The following LMLN variants were observed in gnomAD, a reference collection of about 807,000 sequenced individuals.
LMLN encodes the protein leishmanolysin-like peptidase.
In LMLN, 70 loss-of-function variants were observed where a neutral mutation model predicts 92.3. The ratio of observed to expected loss-of-function variants is 0.76; its 90% CI spans 0.63 to 0.92. The LOEUF (loss-of-function observed/expected upper bound fraction) is 0.92, where lower values mean the gene tolerates loss of function less well. LMLN is among the 40% of genes least tolerant of loss of function. The pLI, the probability that LMLN is intolerant of heterozygous loss-of-function variation, is 0.00. For missense variants in LMLN, 691 were observed against 814.6 expected, an observed-to-expected ratio of 0.85 and a Z score of 1.85; for synonymous variants, 308 against 296.2, an observed-to-expected ratio of 1.04 and a Z score of -0.41.
At chr3:198,020,440 T>C (rs1293672146) in intron 12 of LMLN, among the ~76,000 whole-genome samples, 1 of 152,250 alleles carries the variant, frequency 6.6e-6, no homozygotes, top group Non-Finnish European at 1.5e-5. Context: ...TTCCTACACA[T>C]ATTTGTGAGC....
chr3:198,007,639 A>G (rs1279167129), intron 11 of LMLN, among the ~76,000 whole-genome samples: 1 of 152,196 alleles, frequency 6.6e-6, no homozygotes, highest in Non-Finnish European at 1.5e-5. Flanking sequence ...TCTTTCCACT[A>G]TTTTAAAATT....
chr3:198,012,130 A>G (rs574094741), intron 11 of LMLN, among the ~76,000 whole-genome samples: 44 of 152,200 alleles, frequency 2.9e-4, no homozygotes, highest in African/African-American at 1.0e-3. Flanking sequence ...CAGTGGTGCA[A>G]TCTCGGCTCA....
At chr3:197,961,652 T>G (rs1346959831) in intron 1 of LMLN, among the ~76,000 whole-genome samples, 1 of 152,222 alleles carries the variant, frequency 6.6e-6, no homozygotes, top group Admixed American at 6.5e-5. Flanking sequence ...TCGTCCTCAC[T>G]ATTCTCCTTG....
At chr3:197,975,756 GAT>G (rs1284890608) in intron 3 of LMLN, among the ~76,000 whole-genome samples, 3 of 152,094 alleles carry the variant, frequency 2.0e-5, no homozygotes, top group African/African-American at 7.2e-5. Flanking sequence ...AAATAGTTGA[GAT>G]ATATGTTTTC....
rs1481131650 is a variant in LMLN, at chr3:198,019,300, T to C, written c.1280T>C (p.Leu427Pro). 1 of 1,614,150 alleles carries C rather than the reference T, an allele frequency of 6.2e-7. No individual in the cohort carries two copies. ...TGTGACACGCTCAGAAGTAACCCAC[T>C]GCAGCTAACTTGCAGACAGGACCAG... The change falls in exon 12 of 16, where the codon CTG becomes CCG. Residue 427 changes from leucine (L) to proline (P), a missense_variant. Leu to Pro is a moderately conservative substitution (Grantham distance 98). This residue lies in a region of LMLN where 352 missense variants were observed against 443.6 expected (regional missense o/e 0.79). Coordinates refer to ENST00000330198, the Ensembl canonical transcript of LMLN. The surrounding 1 kb of genome is among the most constrained non-coding windows in gnomAD (Gnocchi z 5.5).
chr3:197,982,954 G>C (rs1721600308), intron 6 of LMLN, among the ~76,000 whole-genome samples: 2 of 152,196 alleles, frequency 1.3e-5, no homozygotes, highest in Non-Finnish European at 1.5e-5. Context: ...ACTGTCGGAG[G>C]ACAGGTGCTT....
At chr3:197,982,947 G>C (rs142554651) in intron 6 of LMLN, among the ~76,000 whole-genome samples, 11 of 152,310 alleles carry the variant, frequency 7.2e-5, no homozygotes, top group Non-Finnish European at 1.3e-4. Flanking sequence ...AGTGGACACT[G>C]TCGGAGGACA....
intron 13 of LMLN, among the ~76,000 whole-genome samples, chr3:198,024,131 C>T (rs560626395): frequency 6.6e-6 from 1 of 151,966 alleles, no homozygotes; most frequent in Non-Finnish European, 1.5e-5. Context: ...CAGTTTTATT[C>T]CCTTGTGTCT....
chr3:197,987,306 C>T (rs1024545271), intron 8 of LMLN, among the ~76,000 whole-genome samples: 6 of 151,776 alleles, frequency 4.0e-5, no homozygotes, highest in African/African-American at 1.2e-4. Context: ...ACTACAGGCG[C>T]CTGCCAACAC....
rs184091872 is a variant in LMLN, at chr3:198,005,783, C to T, written c.1232+6441C>T. On this transcript the variant is annotated intron_variant, in intron 11 of 15. Transcript: ENST00000330198. ...CTGAATAGCTGTGATTATAGGCGTG[C>T]GCCACCACTCCCGGCTAATTTTGTA... is the stretch of plus-strand genomic sequence containing the variant. Among the ~76,000 whole-genome samples the T allele has an allele frequency of 8.6e-5, 13 of 151,974 alleles. No individual in the cohort carries two copies. The East Asian group carries it at 1.7e-3, about 20-fold the overall frequency.
chr3:197,982,431 G>C (rs1721586506), intron 6 of LMLN, among the ~76,000 whole-genome samples: 2 of 151,966 alleles, frequency 1.3e-5, no homozygotes, highest in African/African-American at 4.8e-5. Flanking sequence ...TTGCCATGTT[G>C]GTCAGGCTGG....
intron 11 of LMLN, among the ~76,000 whole-genome samples, chr3:198,012,327 TG>T (rs1245715022): frequency 6.6e-6 from 1 of 152,164 alleles, no homozygotes; most frequent in Admixed American, 6.5e-5. Flanking sequence ...GGCTTCCCAA[TG>T]TGTTGGGATT....
intron 11 of LMLN, among the ~76,000 whole-genome samples, chr3:198,001,359 ATCAGGAAGGTC>A (rs1722167063): frequency 6.6e-6 from 1 of 152,220 alleles, no homozygotes; most frequent in African/African-American, 2.4e-5. Flanking sequence ...AGAAACGGTT[ATCAGGAAGGTC>A]TCATGATGTG....
In LMLN at chr3:198,019,279, A is replaced by G; in HGVS notation, c.1259A>G (p.Asp420Gly). The change falls in exon 12 of 16, where the codon GAC (aspartate) becomes GGC (glycine). Residue 420 changes from aspartate to glycine, a missense_variant. This residue lies in a region of LMLN where 352 missense variants were observed against 443.6 expected (regional missense o/e 0.79). Transcript: ENST00000330198. The surrounding 1 kb of genome is among the most constrained non-coding windows in gnomAD (Gnocchi z 5.5). ...AGACAGATGCTGAGCCCTTACTGTGACACGCTCAGAAGTAACCCACTGCAG... is the reference window on the plus strand; with the variant it reads ...AGACAGATGCTGAGCCCTTACTGTGGCACGCTCAGAAGTAACCCACTGCAG... 6.2e-7 allele frequency: 1 copy of G among 1,613,754 alleles called. No individual in the cohort carries two copies. Among genetic ancestry groups the G allele is most frequent in the Non-Finnish European group, 8.5e-7 (1 of 1,179,940 alleles).
chr3:198,024,556 T>G (rs1722874592), intron 13 of LMLN, 102 bp from the exon 15 acceptor site: 2 of 1,113,696 alleles, frequency 1.8e-6, no homozygotes, highest in Non-Finnish European at 2.5e-6. Context: ...GAAACATGTC[T>G]GATTTTTAAA....
At chr3:197,981,172 C>G (rs920119783) in intron 6 of LMLN, among the ~76,000 whole-genome samples, 5 of 151,850 alleles carry the variant, frequency 3.3e-5, no homozygotes, top group African/African-American at 1.2e-4. Context: ...CTTTGTGAGG[C>G]TGAGGCGGGT....
chr3:197,987,086 C>T (rs1357159300), intron 8 of LMLN, among the ~76,000 whole-genome samples: 5 of 151,268 alleles, frequency 3.3e-5, no homozygotes, highest in South Asian at 4.2e-4. Flanking sequence ...GTGATCTGCC[C>T]GCCTCGGCCT....
intron 11 of LMLN, among the ~76,000 whole-genome samples, chr3:198,000,267 G>A (rs1002887304): frequency 3.2e-4 from 49 of 152,264 alleles, no homozygotes; most frequent in African/African-American, 1.0e-3. Context: ...TAGTGGAAGC[G>A]TTGTTACCTC....
At chr3:198,028,083 A>G (rs905688176) in intron 14 of LMLN, among the ~76,000 whole-genome samples, 2 of 152,002 alleles carry the variant, frequency 1.3e-5, no homozygotes, top group African/African-American at 4.8e-5. Context: ...TGCTCCACAC[A>G]CTCGTGGCCT....
Sources: gnomAD v4.1 joint callset for allele counts (sites outside exome capture counted in the v4.1 genomes callset) on GRCh38, gnomAD v4.1.1 for gene constraint, gnomAD v4.1.1 regional missense constraint, Gnocchi (gnomAD v3.1) non-coding constraint, MANE v1.5 for transcripts, NCBI Gene and HGNC (gene_info 2026-07-23, HGNC 2026-07-21) for gene names.